MID1: variants seen among roughly 807,000 people sequenced by gnomAD.
MID1 encodes midline 1.
Under a neutral mutation model 40.4 loss-of-function variants are expected in MID1, and 7 were observed. That is an observed-to-expected ratio of 0.17 (90% confidence interval 0.10 to 0.33). The LOEUF is 0.33. Ranked by LOEUF, MID1 falls within the 10% of genes least tolerant of loss-of-function variation. The probability of loss-of-function intolerance (pLI) is 1.00; values close to 1 mark genes in which losing one functional copy is unlikely to be tolerated. For missense variants in MID1, 367 were observed against 558.5 expected (o/e 0.66, Z 3.46); for synonymous variants, 229 against 221.2 (o/e 1.04, Z -0.31).
At chrX:10,740,141 T>C in intron 1 of MID1, among the ~76,000 whole-genome samples, 1 of 113,073 alleles carries the variant, frequency 8.8e-6, no homozygotes, top group African/African-American at 3.2e-5. Context: ...TTTTTTCTTT[T>C]TCTTTTTTGC....
chrX:10,779,926 G>A (rs1176673436), intron 1 of MID1, among the ~76,000 whole-genome samples: 1 of 109,951 alleles, frequency 9.1e-6, no homozygotes, highest in African/African-American at 3.4e-5. Context: ...TCAATTTTAA[G>A]AGCAACAATT....
At chrX:10,631,851 C>G (rs1936056291) in intron 1 of MID1, among the ~76,000 whole-genome samples, 1 of 111,918 alleles carries the variant, frequency 8.9e-6, no homozygotes, top group Non-Finnish European at 1.9e-5. Flanking sequence ...TTTTTTCTGT[C>G]ATTAATGTCA....
intron 8 of MID1, 53 bp downstream of exon 8, chrX:10,459,593 C>T: frequency 5.2e-6 from 6 of 1,161,118 alleles, no homozygotes; most frequent in Non-Finnish European, 5.9e-6. Context: ...ACAGAGTCAG[C>T]TGAAAGAAGA....
chrX:10,455,170 A>G, intron 8 of MID1, 93 bp from the exon 9 acceptor site: 1 of 789,692 alleles, frequency 1.3e-6, no homozygotes, highest in Non-Finnish European at 1.9e-6. Flanking sequence ...CAGGTTTAAA[A>G]GACAGGAACA....
At chrX:10,521,030 C>A (rs1932676236) in intron 3 of MID1, among the ~76,000 whole-genome samples, 1 of 105,898 alleles carries the variant, frequency 9.4e-6, no homozygotes, top group Non-Finnish European at 1.9e-5. Context: ...TCTGATGAGG[C>A]CTCAGGAAGC....
At chrX:10,590,660 T>C (rs1935274123) in intron 1 of MID1, among the ~76,000 whole-genome samples, 1 of 112,546 alleles carries the variant, frequency 8.9e-6, no homozygotes, top group South Asian at 3.7e-4. Flanking sequence ...GCTAGGAAGC[T>C]TCTAATGGCT....
In MID1 at chrX:10,590,472, G is replaced by A. The variant is rs140705690; in HGVS notation, c.-56-22869C>T. Among the ~76,000 whole-genome samples the A allele has an allele frequency of 7.9e-3, 875 of 111,319 alleles. 9 individuals carry two copies. Among genetic ancestry groups the A allele is most frequent in the African/African-American group, 0.027 (825 of 30,564 alleles). On this transcript the variant is annotated intron_variant, in intron 1 of 9. Transcript: ENST00000317552. ...ATAAGGTTTGTGGGAAGACAGGGTCGCAGCATTCCAGGGGAGGGGTTATAA... is the reference window on the plus strand; with the variant it reads ...ATAAGGTTTGTGGGAAGACAGGGTCACAGCATTCCAGGGGAGGGGTTATAA...
intron 1 of MID1, among the ~76,000 whole-genome samples, chrX:10,599,099 A>G (rs1055365279): frequency 3.6e-5 from 4 of 111,651 alleles, no homozygotes; most frequent in Non-Finnish European, 7.5e-5. Flanking sequence ...TAACCCTTCA[A>G]GAATCCACAA....
At chrX:10,819,598 T>C (rs1003392014) in intron 1 of MID1, among the ~76,000 whole-genome samples, 15 of 111,871 alleles carry the variant, frequency 1.3e-4, no homozygotes, top group Admixed American at 4.7e-4. Context: ...ATAGATGCTA[T>C]GTGGAATAAA....
At chrX:10,765,922 AGAAAG>A (rs1206063913) in intron 1 of MID1, among the ~76,000 whole-genome samples, 162 of 97,861 alleles carry the variant, frequency 1.7e-3, no homozygotes, top group African/African-American at 4.8e-3. Context: ...AAAGAAAGAA[AGAAAG>A]GAAAGGAAAG....
At chrX:10,731,724 C>G (rs1024327715) in intron 1 of MID1, among the ~76,000 whole-genome samples, 1 of 110,211 alleles carries the variant, frequency 9.1e-6, no homozygotes, top group African/African-American at 3.3e-5. Flanking sequence ...TTGGGAGGCC[C>G]GAAGCAGGCA....
At chrX:10,559,204 T>C (rs185931213) in intron 2 of MID1, among the ~76,000 whole-genome samples, 67 of 112,609 alleles carry the variant, frequency 5.9e-4, no homozygotes, top group African/African-American at 2.1e-3. Flanking sequence ...TTTCAACACA[T>C]TGTATACACG....
chrX:10,569,491 T>C (rs1037109455), intron 1 of MID1, among the ~76,000 whole-genome samples: 2 of 112,447 alleles, frequency 1.8e-5, no homozygotes, highest in African/African-American at 6.5e-5. Context: ...TTTTTACCTA[T>C]TAATAATTAT....
chrX:10,516,416 G>A (rs1164327708), intron 3 of MID1, among the ~76,000 whole-genome samples: 3 of 108,906 alleles, frequency 2.8e-5, no homozygotes, highest in African/African-American at 6.7e-5. Context: ...GGATGGTCTC[G>A]ATCTCCTGAC....
intron 1 of MID1, among the ~76,000 whole-genome samples, chrX:10,767,786 A>G (rs1206665048): frequency 8.9e-6 from 1 of 112,297 alleles, no homozygotes; most frequent in East Asian, 2.8e-4. Flanking sequence ...AAGACTTAAA[A>G]GTTTAAATGG....
chrX:10,621,400 T>G (rs746890543), upstream of MID1, among the ~76,000 whole-genome samples: 7 of 111,854 alleles, frequency 6.3e-5, no homozygotes, highest in Non-Finnish European at 1.1e-4. Flanking sequence ...GTTTGCTTTC[T>G]TAACTCCATA....
chrX:10,718,312 A>G (rs2043321017), intron 1 of MID1, among the ~76,000 whole-genome samples: 3 of 112,060 alleles, frequency 2.7e-5, no homozygotes, highest in Admixed American at 1.9e-4. Flanking sequence ...CGACTAATAA[A>G]GAAGAAAAGA....
At chrX:10,671,275 T>C (rs144977233) in intron 1 of MID1, among the ~76,000 whole-genome samples, 1 of 112,151 alleles carries the variant, frequency 8.9e-6, no homozygotes, top group Non-Finnish European at 1.9e-5. Context: ...AAACCATGGA[T>C]TCTGGAACCA....
rs1928156930 is a variant in MID1, at chrX:10,448,903, C to T, written c.*465G>A. The T allele has an allele frequency of 2.5e-5, 3 of 118,140 alleles. No individual in the cohort carries two copies. In the Admixed American group the frequency reaches 2.5e-4, roughly 10 times the overall value. 9.7% of individuals were successfully genotyped at this position (118,140 alleles called of 1,213,427 possible). On this transcript the variant is annotated 3_prime_UTR_variant, in exon 10 of 10. Coordinates refer to ENST00000317552, the MANE Select transcript of MID1 (RefSeq NM_000381.4). ...TGTTTCCTCCCCTACTAGGTTCAAA[C>T]ACATCCTGTTATGCACCATCGAGGT...
Sources: gnomAD v4.1 joint callset for allele counts (sites outside exome capture counted in the v4.1 genomes callset) on GRCh38, gnomAD v4.1.1 for gene constraint, MANE v1.5 for transcripts, NCBI Gene and HGNC (gene_info 2026-07-23, HGNC 2026-07-21) for gene names.